The following CBLN2 variants were observed in gnomAD, a reference collection of about 807,000 sequenced individuals.
CBLN2 encodes cerebellin-2.
CBLN2 carries 7 observed loss-of-function variants against 15.0 expected under a neutral mutation model. That is an observed-to-expected ratio of 0.47 (90% CI 0.27 to 0.88). The LOEUF (loss-of-function observed/expected upper bound fraction) is 0.88. Ranked by LOEUF, CBLN2 falls within the 40% of genes least tolerant of loss-of-function variation. The pLI, the probability that CBLN2 is intolerant of heterozygous loss-of-function variation, is 0.14. For synonymous variants in CBLN2, 149 were observed against 135.2 expected (o/e 1.10, Z -0.71); for missense variants, 242 against 304.5 (o/e 0.79, Z 1.53).
chr18:72,623,211 C>T (rs1431952724), intron 1 of CBLN2, among the ~76,000 whole-genome samples: 1 of 152,004 alleles, frequency 6.6e-6, no homozygotes, highest in Non-Finnish European at 1.5e-5. Context: ...CCCACCAGTC[C>T]CCTCCTTCAA....
intron 1 of CBLN2, among the ~76,000 whole-genome samples, chr18:72,582,731 C>T (rs1400288901): frequency 6.6e-6 from 1 of 152,114 alleles, no homozygotes; most frequent in Non-Finnish European, 1.5e-5. Flanking sequence ...AGCCAATATA[C>T]TTAAACAGAT....
intron 1 of CBLN2, among the ~76,000 whole-genome samples, chr18:72,621,784 T>C (rs2069702373): frequency 6.6e-6 from 1 of 152,176 alleles, no homozygotes; most frequent in Non-Finnish European, 1.5e-5. Context: ...GACTATGTCA[T>C]GTATGTTTGG....
intron 1 of CBLN2, among the ~76,000 whole-genome samples, chr18:72,559,364 G>A (rs1598998211): frequency 6.6e-6 from 1 of 152,348 alleles, no homozygotes; most frequent in Non-Finnish European, 1.5e-5. Flanking sequence ...GAATTTGACT[G>A]AGAAGTATCG....
chr18:72,574,813 A>G (rs2069354242), intron 1 of CBLN2, among the ~76,000 whole-genome samples: 1 of 152,198 alleles, frequency 6.6e-6, no homozygotes, highest in Non-Finnish European at 1.5e-5. Flanking sequence ...GTATGTCATG[A>G]TTACCATGAA....
At chr18:72,633,990 C>T (rs2069794955) in intron 1 of CBLN2, among the ~76,000 whole-genome samples, 1 of 151,904 alleles carries the variant, frequency 6.6e-6, no homozygotes, top group African/African-American at 2.4e-5. Context: ...ACTCATGAAT[C>T]CTGTTTTAGA....
intron 1 of CBLN2, among the ~76,000 whole-genome samples, chr18:72,625,780 A>G (rs867883427): frequency 2.2e-4 from 24 of 109,346 alleles, no homozygotes; most frequent in African/African-American, 8.7e-4. Flanking sequence ...ATGACTATAT[A>G]TATATGACTC....
rs367795111 is a variant in CBLN2, at chr18:72,603,829, A to T, written c.15+34496T>A. Among the ~76,000 whole-genome samples the T allele has an allele frequency of 7.1e-4, 108 of 152,312 alleles. 1 individual carries two copies. The highest frequency in any genetic ancestry group is 2.5e-3 in the African/African-American group (103 of 41,566). On this transcript the variant is annotated intron_variant, in intron 1 of 2. Transcript: ENST00000581073. Reference sequence around the variant, plus strand: ...TCAATGGGAAATCAAAAACAGAAAAAATACATGGAATACACATGTAAAGTA... The same window carrying T: ...TCAATGGGAAATCAAAAACAGAAAATATACATGGAATACACATGTAAAGTA...
At chr18:72,573,332 C>A (rs1217089155) in intron 1 of CBLN2, among the ~76,000 whole-genome samples, 1 of 152,130 alleles carries the variant, frequency 6.6e-6, no homozygotes, top group East Asian at 1.9e-4. Flanking sequence ...ACATTTAAAT[C>A]TGACATCCAA....
At chr18:72,617,936 A>G (rs538416741) in intron 1 of CBLN2, among the ~76,000 whole-genome samples, 1 of 152,326 alleles carries the variant, frequency 6.6e-6, no homozygotes, top group African/African-American at 2.4e-5. Context: ...CAGAACGAGA[A>G]AAAGAAAATT....
intron 1 of CBLN2, among the ~76,000 whole-genome samples, chr18:72,559,101 G>T (rs1239843647): frequency 2.0e-5 from 3 of 152,120 alleles, no homozygotes; most frequent in African/African-American, 7.2e-5. Flanking sequence ...AGGATATAAA[G>T]TACACCCTGA....
intron 1 of CBLN2, among the ~76,000 whole-genome samples, chr18:72,605,325 A>G (rs974294413): frequency 7.9e-5 from 12 of 152,120 alleles, no homozygotes; most frequent in Non-Finnish European, 4.4e-5. Context: ...CTTGGTAGAG[A>G]TACTTAATGG....
chr18:72,549,671 A>G (rs2069179738), intron 1 of CBLN2, among the ~76,000 whole-genome samples: 1 of 152,214 alleles, frequency 6.6e-6, no homozygotes, highest in African/African-American at 2.4e-5. Flanking sequence ...TTAAAATGTT[A>G]TACTTTTTTT....
At position 72,538,113 on chromosome 18, in the gene CBLN2, G is replaced by GT. The variant is rs2069080669; in HGVS notation, c.*62dup. ...TGTCCAATTCCAGTAAGTTCAGGGT[G>GT]TTTTAAAGGGCGGAGTCCTGGGTCC... On this transcript the variant is annotated 3_prime_UTR_variant, in exon 5 of 5. Coordinates refer to ENST00000269503, the MANE Select transcript of CBLN2 (RefSeq NM_182511.4). The GT allele has an allele frequency of 6.5e-7, 1 of 1,545,534 alleles. No homozygotes were observed. The highest frequency in any genetic ancestry group is 1.4e-5 in the African/African-American group (1 of 73,442).
At chr18:72,600,674 C>T (rs567714516) in intron 1 of CBLN2, among the ~76,000 whole-genome samples, 8 of 152,112 alleles carry the variant, frequency 5.3e-5, no homozygotes, top group East Asian at 1.9e-4. Flanking sequence ...TGCAACACTG[C>T]AGTAAAGAAA....
chr18:72,596,010 T>C (rs1414040757), intron 1 of CBLN2, among the ~76,000 whole-genome samples: 1 of 152,116 alleles, frequency 6.6e-6, no homozygotes, highest in Non-Finnish European at 1.5e-5. Context: ...AGAGTTTATA[T>C]GCAATGTATT....
At chr18:72,572,872 A>G (rs1323369960) in intron 1 of CBLN2, among the ~76,000 whole-genome samples, 1 of 151,868 alleles carries the variant, frequency 6.6e-6, no homozygotes, top group Admixed American at 6.5e-5. Flanking sequence ...AAACAAAAAT[A>G]AAATAATTTT....
intron 1 of CBLN2, among the ~76,000 whole-genome samples, chr18:72,601,031 A>G (rs1477658108): frequency 6.6e-6 from 1 of 152,216 alleles, no homozygotes; most frequent in Non-Finnish European, 1.5e-5. Context: ...GAAGTCACGT[A>G]TCTCGTGACC....
chr18:72,565,485 A>T (rs1167581795), intron 1 of CBLN2, among the ~76,000 whole-genome samples: 1 of 152,152 alleles, frequency 6.6e-6, no homozygotes, highest in Non-Finnish European at 1.5e-5. Context: ...ACATAAAAAG[A>T]TGTAAATAAA....
At chr18:72,633,620 A>G (rs972374565) in intron 1 of CBLN2, among the ~76,000 whole-genome samples, 1 of 152,190 alleles carries the variant, frequency 6.6e-6, no homozygotes, top group Non-Finnish European at 1.5e-5. Context: ...TAATAAACTA[A>G]TGAAAAGTAA....
Sources: gnomAD v4.1 joint callset for allele counts (sites outside exome capture counted in the v4.1 genomes callset) on GRCh38, gnomAD v4.1.1 for gene constraint, MANE v1.5 for transcripts, NCBI Gene and HGNC (gene_info 2026-07-23, HGNC 2026-07-21) for gene names.